Variants in RAB11FIP3 observed in about 807,000 individuals in gnomAD.
RAB11FIP3 encodes rab11 family-interacting protein 3.
Under a neutral mutation model 77.8 loss-of-function variants are expected in RAB11FIP3, and 17 were observed. That is an observed-to-expected ratio of 0.22 (90% CI 0.15 to 0.33). The LOEUF (loss-of-function observed/expected upper bound fraction) is 0.33. Among genes scored for constraint, RAB11FIP3 ranks in the 10% least tolerant of loss-of-function variants. RAB11FIP3 has a pLI of 1.00. For synonymous variants in RAB11FIP3, 437 were observed against 448.2 expected (o/e 0.98, Z 0.31); for missense variants, 1,005 against 1,011.2 (o/e 0.99, Z 0.08).
At chr16:482,768 G>C (rs893950619) in intron 4 of RAB11FIP3, 32 bp downstream of exon 4, 2 of 1,556,940 alleles carry the variant, frequency 1.3e-6, no homozygotes, top group African/African-American at 2.7e-5. Flanking sequence ...TCCTGGAGAG[G>C]CCTTGGGATG....
At chr16:449,477 G>T (rs1036552188) in intron 1 of RAB11FIP3, among the ~76,000 whole-genome samples, 3 of 151,950 alleles carry the variant, frequency 2.0e-5, no homozygotes, top group African/African-American at 7.2e-5. Context: ...CTACGATGGA[G>T]TCTTAAGTTA....
At chr16:503,532 C>T (rs1207021481) in intron 7 of RAB11FIP3, among the ~76,000 whole-genome samples, 1 of 152,052 alleles carries the variant, frequency 6.6e-6, no homozygotes, top group Non-Finnish European at 1.5e-5. Flanking sequence ...TCTCCTGGGG[C>T]CTTGAATGGA....
In RAB11FIP3 at chr16:521,111, C is replaced by G; in HGVS notation, c.*272C>G. 2 of 527,298 alleles carry G rather than the reference C, an allele frequency of 3.8e-6. No homozygotes were observed. Among genetic ancestry groups the G allele is most frequent in the Non-Finnish European group, 6.9e-6 (2 of 291,902 alleles). The allele number at this position is 527,298 out of a possible 1,614,324, so 32.7% of individuals were successfully genotyped here. A position where few individuals can be genotyped will look rare whatever the true frequency, so the allele number is the denominator to read the frequency against. ...AGGGCCGTCCATCAGCGCTGACCTTCCGGGGGCCCAGAGCTTCCCAGCCCT... is the reference window on the plus strand; with the variant it reads ...AGGGCCGTCCATCAGCGCTGACCTTGCGGGGGCCCAGAGCTTCCCAGCCCT... On this transcript the variant is annotated 3_prime_UTR_variant, in exon 14 of 14. Transcript: ENST00000262305.
intron 1 of RAB11FIP3, among the ~76,000 whole-genome samples, chr16:430,875 A>G (rs1204508): frequency 0.58 from 88,246 of 152,178 alleles, 27,168 homozygotes; most frequent in African/African-American, 0.8. Context: ...GAGATGAAGT[A>G]TAGTATAGTG....
At chr16:463,883 G>A (rs1394034050) in intron 2 of RAB11FIP3, among the ~76,000 whole-genome samples, 1 of 152,234 alleles carries the variant, frequency 6.6e-6, no homozygotes. Context: ...GCTGCGGCAG[G>A]ACAAATGGGT....
chr16:517,900 G>A (rs2032490710), intron 9 of RAB11FIP3, among the ~76,000 whole-genome samples: 1 of 152,154 alleles, frequency 6.6e-6, no homozygotes, highest in African/African-American at 2.4e-5. Flanking sequence ...GGCTAACACA[G>A]TGAAACCCCG....
intron 1 of RAB11FIP3, among the ~76,000 whole-genome samples, chr16:447,884 A>G (rs965059809): frequency 1.3e-5 from 2 of 152,228 alleles, no homozygotes; most frequent in African/African-American, 4.8e-5. Context: ...GGTTACATTC[A>G]GCTTTCAGGT....
At position 443,894 on chromosome 16, in the gene RAB11FIP3, A is replaced by G. The variant is rs1419526656; in HGVS notation, c.714+17174A>G. 3.3e-5 allele frequency among the ~76,000 whole-genome samples: 5 copies of G among 152,196 alleles called. No homozygotes were observed. The East Asian group carries it at 9.6e-4, about 29-fold the overall frequency. Reference sequence around the variant, plus strand: ...ATGTAGGGTTTAAAGCATTTAAGAAAATATTTTCCGTCACCAAATTGTCTT... The same window carrying G: ...ATGTAGGGTTTAAAGCATTTAAGAAGATATTTTCCGTCACCAAATTGTCTT... On this transcript the variant is annotated intron_variant, in intron 1 of 13. Coordinates refer to ENST00000262305, the MANE Select transcript of RAB11FIP3 (RefSeq NM_014700.4).
chr16:482,848 T>C, intron 4 of RAB11FIP3, 112 bp downstream of exon 4: 1 of 1,167,200 alleles, frequency 8.6e-7, no homozygotes, highest in Non-Finnish European at 1.2e-6. Context: ...TAGCATCCAT[T>C]ATGTGGGGGT....
chr16:426,806 C>G lies in RAB11FIP3; in HGVS notation c.714+86C>G. The G allele has an allele frequency of 8.7e-7, 1 of 1,150,768 alleles. No individual in the cohort carries two copies. The highest frequency in any genetic ancestry group is 1.2e-6 in the Non-Finnish European group (1 of 841,504). 71.3% of individuals were successfully genotyped at this position (1,150,768 alleles called of 1,614,324 possible). Reference sequence around the variant, plus strand: ...TGATGTGGGACCGGTCGACGCTGCCCCTGGAGTCGGGAAAGGCACTGTCAA... The same window carrying G: ...TGATGTGGGACCGGTCGACGCTGCCGCTGGAGTCGGGAAAGGCACTGTCAA... On this transcript the variant is annotated intron_variant, in intron 1 of 13. Coordinates refer to ENST00000262305, the MANE Select transcript of RAB11FIP3 (RefSeq NM_014700.4). The surrounding 1 kb of genome is among the most constrained non-coding windows in gnomAD (Gnocchi z 5.0).
rs371775868 is a variant in RAB11FIP3, at chr16:503,054, C to T, written c.1352C>T (p.Ser451Phe). The change falls in exon 7 of 14, where the codon TCC becomes TTC. Residue 451 changes from serine to phenylalanine, a missense_variant. By Grantham distance (155) the Ser-to-Phe change is radical (BLOSUM62 -2). Coordinates refer to ENST00000262305, the MANE Select transcript of RAB11FIP3 (RefSeq NM_014700.4). ...ACCATGGAGGCCCTGGAGGACCCTT[C>T]CCCCGAGCTCATGGAGGGCCCAGAG... ...ALTMEALEDP[S>F]PELMEGPEED... 56 of 1,612,996 alleles carry T rather than the reference C, an allele frequency of 3.5e-5. No individual in the cohort carries two copies. The highest frequency in any genetic ancestry group is 4.2e-5 in the Non-Finnish European group (50 of 1,179,664).
At chr16:448,921 A>T (rs1439234934) in intron 1 of RAB11FIP3, among the ~76,000 whole-genome samples, 1 of 152,140 alleles carries the variant, frequency 6.6e-6, no homozygotes, top group Non-Finnish European at 1.5e-5. Context: ...GTCTAAAAAA[A>T]AATTGAATAA....
intron 1 of RAB11FIP3, among the ~76,000 whole-genome samples, chr16:428,811 G>A (rs2054992633): frequency 6.6e-6 from 1 of 152,086 alleles, no homozygotes; most frequent in African/African-American, 2.4e-5. Flanking sequence ...GATCACAATG[G>A]GAAAAACTTT....
chr16:496,930 A>G (rs1304886362), intron 6 of RAB11FIP3, 71 bp downstream of exon 6: 1 of 1,432,016 alleles, frequency 7.0e-7, no homozygotes, highest in Non-Finnish European at 9.7e-7. Context: ...TTTAAAAAAC[A>G]TTTTAAAATG....
chr16:497,727 C>T (rs752193558), intron 6 of RAB11FIP3, among the ~76,000 whole-genome samples: 9 of 152,152 alleles, frequency 5.9e-5, no homozygotes, highest in African/African-American at 1.4e-4. Context: ...TTTTGTCCAG[C>T]GTATCTTCCT....
chr16:468,541 G>C (rs1291264302), intron 2 of RAB11FIP3, among the ~76,000 whole-genome samples: 2 of 152,124 alleles, frequency 1.3e-5, no homozygotes, highest in Non-Finnish European at 2.9e-5. Context: ...CACTTCAGGT[G>C]TTAGCTCCAT....
intron 5 of RAB11FIP3, among the ~76,000 whole-genome samples, chr16:492,362 T>TCCCGGGAGACCCGAGGCCGCCCAGGGCCC (rs2030354690): frequency 2.7e-4 from 17 of 63,662 alleles, no homozygotes; most frequent in East Asian, 1.9e-3. Flanking sequence ...GAAGAGGGTC[T>TCCCGGGAGACCCGAGGCCGCCCAGGGCCC]TCCCGGGAGA....
chr16:469,316 T>C (rs2141677302), intron 2 of RAB11FIP3, among the ~76,000 whole-genome samples: 1 of 152,306 alleles, frequency 6.6e-6, no homozygotes, highest in South Asian at 2.1e-4. Flanking sequence ...ACTCGTGATC[T>C]GCCCACCTCA....
chr16:433,729 G>A (rs1419856478), intron 1 of RAB11FIP3, among the ~76,000 whole-genome samples: 1 of 151,518 alleles, frequency 6.6e-6, no homozygotes, highest in Admixed American at 6.6e-5. Flanking sequence ...GGTTGCGGGC[G>A]CCTGTAGACC....
Sources: gnomAD v4.1 joint callset for allele counts (sites outside exome capture counted in the v4.1 genomes callset) on GRCh38, gnomAD v4.1.1 for gene constraint, Gnocchi (gnomAD v3.1) non-coding constraint, MANE v1.5 for transcripts, NCBI Gene and HGNC (gene_info 2026-07-23, HGNC 2026-07-21) for gene names.